Variants in FREM1 observed in about 807,000 individuals in gnomAD.
FREM1 encodes the protein FRAS1-related extracellular matrix protein 1.
FREM1 carries 220 observed loss-of-function variants against 210.1 expected under a neutral mutation model. The ratio of observed to expected loss-of-function variants is 1.05; its 90% CI spans 0.94 to 1.17. FREM1 has a LOEUF of 1.17. Among genes scored for constraint, FREM1 ranks in the 50% most tolerant of loss-of-function variants. The pLI is 0.00. For synonymous variants in FREM1, 1,189 were observed against 980.2 expected (o/e 1.21, Z -3.98); for missense variants, 3,454 against 2,675.5 (o/e 1.29, Z -6.42).
At chr9:14,857,841 C>G in intron 4 of FREM1, 92 bp from the exon 5 acceptor site, 1 of 810,116 alleles carries the variant, frequency 1.2e-6, no homozygotes, top group East Asian at 2.6e-5. Flanking sequence ...ATACTTATTC[C>G]CTCTCACTGC....
At chr9:14,812,467 T>C (rs1228020974) in intron 16 of FREM1, among the ~76,000 whole-genome samples, 2 of 152,166 alleles carry the variant, frequency 1.3e-5, no homozygotes, top group Non-Finnish European at 2.9e-5. Flanking sequence ...AGGAGCTTGC[T>C]TCAGGCATTT....
intron 10 of FREM1, among the ~76,000 whole-genome samples, chr9:14,838,879 T>A (rs1394856020): frequency 6.6e-6 from 1 of 152,140 alleles, no homozygotes; most frequent in Non-Finnish European, 1.5e-5. Flanking sequence ...GACAAGCTGA[T>A]CCTGCCTGAG....
intron 12 of FREM1, 113 bp downstream of exon 12, chr9:14,823,912 C>G (rs930738278): frequency 9.7e-6 from 5 of 517,440 alleles, no homozygotes; most frequent in Non-Finnish European, 1.7e-5. Context: ...ATAAAGATGT[C>G]AAGTCTTTGT....
At chr9:14,831,067 T>C (rs1484268678) in intron 10 of FREM1, among the ~76,000 whole-genome samples, 2 of 152,160 alleles carry the variant, frequency 1.3e-5, no homozygotes, top group East Asian at 3.8e-4. Flanking sequence ...GTATTGGGAA[T>C]GTTGGTCATG....
chr9:14,748,825 T>C (rs1842881958), intron 30 of FREM1, among the ~76,000 whole-genome samples, 186 bp from the exon 31 acceptor site: 1 of 152,188 alleles, frequency 6.6e-6, no homozygotes, highest in African/African-American at 2.4e-5. Context: ...AGGAAAGCTG[T>C]GCTCGTCTGC....
intron 1 of FREM1, among the ~76,000 whole-genome samples, chr9:14,878,588 C>T (rs1420117741): frequency 1.3e-5 from 2 of 152,174 alleles, no homozygotes; most frequent in Admixed American, 6.5e-5. Context: ...TAGGTTGTTG[C>T]AACAGTAATT....
At position 14,788,982 on chromosome 9, in the gene FREM1, A is replaced by C. The variant is rs772436406; in HGVS notation, c.4114T>G (p.Trp1372Gly). Residue 1372 changes from tryptophan (W) to glycine (G), a missense_variant, in exon 23 of 37, where the codon TGG (tryptophan) becomes GGG (glycine). Coordinates refer to ENST00000380880, the MANE Select transcript of FREM1 (RefSeq NM_001379081.2). ...GCAGGGGACCTGTTGTTGCCATCCC[A>C]AAGGTAGAAGGTGAAGCTATCTTGA... ...QNQDSFTFYL[W>G]DGNNRSPALD... is the part of the protein sequence containing the mutation. 33 of 1,612,992 alleles carry C rather than the reference A, an allele frequency of 2.0e-5. No individual in the cohort carries two copies. The South Asian group carries it at 3.5e-4, about 17-fold the overall frequency.
At chr9:14,881,328 A>C (rs1446678247) in intron 1 of FREM1, among the ~76,000 whole-genome samples, 1 of 152,188 alleles carries the variant, frequency 6.6e-6, no homozygotes, top group African/African-American at 2.4e-5. Context: ...TTTGTAATTG[A>C]TCATAGCTCA....
intron 31 of FREM1, 68 bp from the exon 32 acceptor site, chr9:14,747,796 C>T (rs976965743): frequency 3.4e-6 from 3 of 881,174 alleles, no homozygotes; most frequent in East Asian, 5.7e-5. Context: ...AGGGTAAAAC[C>T]ACCAAGTAAG....
At chr9:14,779,368 G>A (rs1366856990) in intron 24 of FREM1, 1 of 354,698 alleles carries the variant, frequency 2.8e-6, no homozygotes, top group Non-Finnish European at 3.9e-6. Context: ...TATAGACATT[G>A]TGCACTATTA....
chr9:14,757,072 A>G (rs1844524503), intron 28 of FREM1, among the ~76,000 whole-genome samples: 1 of 152,226 alleles, frequency 6.6e-6, no homozygotes, highest in African/African-American at 2.4e-5. Flanking sequence ...CCCAAAACCA[A>G]GGACTTTCAA....
chr9:14,880,062 T>A (rs1834516494), intron 1 of FREM1, among the ~76,000 whole-genome samples: 1 of 152,062 alleles, frequency 6.6e-6, no homozygotes, highest in Admixed American at 6.5e-5. Flanking sequence ...GTCCTCATGA[T>A]GGGATTCTTA....
intron 21 of FREM1, among the ~76,000 whole-genome samples, chr9:14,796,152 G>C (rs916420916): frequency 1.3e-5 from 2 of 152,166 alleles, no homozygotes; most frequent in African/African-American, 4.8e-5. Context: ...ATAGGGAACA[G>C]CAGGATATGG....
At chr9:14,751,784 C>T (rs887603319) in intron 29 of FREM1, 1 of 152,102 alleles carries the variant, frequency 6.6e-6, no homozygotes, top group Non-Finnish European at 1.5e-5. Context: ...ATGATCTAAT[C>T]AGTCTCTTCA....
chr9:14,761,305 G>A (rs1294056806), intron 27 of FREM1, among the ~76,000 whole-genome samples: 1 of 152,138 alleles, frequency 6.6e-6, no homozygotes, highest in Non-Finnish European at 1.5e-5. Flanking sequence ...TGGGCTAGGG[G>A]GCAAGGGTAG....
chr9:14,873,822 T>C (rs1588517645), intron 1 of FREM1, among the ~76,000 whole-genome samples: 1 of 152,370 alleles, frequency 6.6e-6, no homozygotes, highest in Admixed American at 6.5e-5. Flanking sequence ...TAAATTTCCC[T>C]GTACACACTG....
chr9:14,851,011 C>T (rs10114394), intron 6 of FREM1, among the ~76,000 whole-genome samples: 10,256 of 152,248 alleles, frequency 0.067, 1,088 homozygotes, highest in African/African-American at 0.22. Flanking sequence ...ACACTTGTAT[C>T]CTTGCAGGGC....
In FREM1 at chr9:14,859,218, C is replaced by T. The variant is rs780061331; in HGVS notation, c.596G>A (p.Arg199His). 1.3e-5 allele frequency: 21 copies of T among 1,603,388 alleles called. No homozygotes were observed. In the African/African-American group the frequency reaches 1.5e-4, roughly 11 times the overall value. ...GAAAAAACTGTGTGGCTGATCTCCACGAGGTTCTTCTGGTCGAGGCTCCCC... is the reference window on the plus strand; with the variant it reads ...GAAAAAACTGTGTGGCTGATCTCCATGAGGTTCTTCTGGTCGAGGCTCCCC... ...VLGEPRPEEP[R>H]GDQPHSFFPE... Residue 199 changes from arginine to histidine, a missense_variant, in exon 4 of 37, where the codon CGT (arginine) becomes CAT (histidine). Physicochemically the swap from Arg to His is conservative, Grantham distance 29 (BLOSUM62 0). Transcript: ENST00000380880.
intron 1 of FREM1, among the ~76,000 whole-genome samples, chr9:14,889,452 C>T (rs921599340): frequency 6.6e-6 from 1 of 152,170 alleles, no homozygotes; most frequent in African/African-American, 2.4e-5. Context: ...TCTAGGAATT[C>T]TTTCATTTAC....
Sources: gnomAD v4.1 joint callset for allele counts (sites outside exome capture counted in the v4.1 genomes callset) on GRCh38, gnomAD v4.1.1 for gene constraint, MANE v1.5 for transcripts, NCBI Gene and HGNC (gene_info 2026-07-23, HGNC 2026-07-21) for gene names.